C6orf52: variants seen among roughly 807,000 people sequenced by gnomAD.
The protein encoded by C6orf52 is chromosome 6 open reading frame 52.
In C6orf52, 16 loss-of-function variants were observed where a neutral mutation model predicts 16.6. That is an observed-to-expected ratio of 0.96 (90% CI 0.65 to 1.46). The LOEUF is 1.46. Among genes scored for constraint, C6orf52 ranks in the 40% most tolerant of loss-of-function variants. The pLI is 0.00. For synonymous variants in C6orf52, 53 were observed against 61.4 expected, an observed-to-expected ratio of 0.86 and a Z score of 0.64; for missense variants, 166 against 182.3, an observed-to-expected ratio of 0.91 and a Z score of 0.52.
At chr6:10,672,150 C>T (rs1029167477) in intron 4 of C6orf52, among the ~76,000 whole-genome samples, 2 of 152,222 alleles carry the variant, frequency 1.3e-5, no homozygotes, top group African/African-American at 4.8e-5. Flanking sequence ...ACGTATTAAA[C>T]GTGGATTTTC....
At chr6:10,694,314 C>G (rs936166646) in intron 1 of C6orf52, among the ~76,000 whole-genome samples, 180 bp downstream of exon 1, 1 of 151,376 alleles carries the variant, frequency 6.6e-6, no homozygotes, top group Non-Finnish European at 1.5e-5. Context: ...GGAGGTGCCG[C>G]AACCTTGGCC....
Position 10,694,592 on chromosome 6 carries a change from GCCCCTAAGCA to G in C6orf52, c.-120_-111del. 1 of 180,834 alleles carries G rather than the reference GCCCCTAAGCA, an allele frequency of 5.5e-6. No individual in the cohort carries two copies. The highest frequency in any genetic ancestry group is 5.8e-5 in the Admixed American group (1 of 17,120). The allele number at this position is 180,834 out of a possible 1,614,324, so 11.2% of individuals were successfully genotyped here. A position where few individuals can be genotyped will look rare whatever the true frequency, so the allele number is the denominator to read the frequency against. Reference sequence around the variant, plus strand: ...AACAATGCACGCTGCCGGCGCTACAGCCCCTAAGCAACCGGCCGGAAGTCGGCCCCACCTC... The same window carrying G: ...AACAATGCACGCTGCCGGCGCTACAGACCGGCCGGAAGTCGGCCCCACCTC... On this transcript the variant is annotated 5_prime_UTR_variant, in exon 1 of 5. Coordinates refer to ENST00000259983, the MANE Select transcript of C6orf52 (RefSeq NM_001145020.3).
intron 4 of C6orf52, chr6:10,674,639 CTTTTTTT>C (rs78122068): frequency 4.7e-5 from 6 of 126,340 alleles, no homozygotes; most frequent in Admixed American, 2.4e-4. Context: ...TTCTTTCTTT[CTTTTTTT>C]TTTTTTTTTT....
intron 3 of C6orf52, among the ~76,000 whole-genome samples, chr6:10,684,572 G>T (rs1471842201): frequency 6.6e-6 from 1 of 152,216 alleles, no homozygotes; most frequent in East Asian, 1.9e-4. Flanking sequence ...TTTATAAAAG[G>T]CTTTCCTCAG....
chr6:10,686,858 T>C (rs748537878), intron 3 of C6orf52, 108 bp downstream of exon 3: 44 of 803,200 alleles, frequency 5.5e-5, no homozygotes, highest in Non-Finnish European at 8.0e-5. Context: ...GCAAAAGCCA[T>C]GTCTGTGGGA....
chr6:10,685,005 G>C, intron 3 of C6orf52: 1 of 730,334 alleles, frequency 1.4e-6, no homozygotes, highest in Non-Finnish European at 1.8e-6. Context: ...CTGAGGGTGA[G>C]ATAAAAATCC....
At chr6:10,689,521 T>C (rs1012871293) in intron 1 of C6orf52, among the ~76,000 whole-genome samples, 4 of 152,252 alleles carry the variant, frequency 2.6e-5, no homozygotes, top group Admixed American at 6.5e-5. Flanking sequence ...GGGCTAGCAA[T>C]AGGCCCAAGC....
chr6:10,681,327 T>C (rs1768372961), intron 4 of C6orf52, among the ~76,000 whole-genome samples: 1 of 152,226 alleles, frequency 6.6e-6, no homozygotes, highest in African/African-American at 2.4e-5. Context: ...TTTCATCTGA[T>C]TTTGAGTTTC....
intron 3 of C6orf52, chr6:10,684,844 C>G: frequency 7.8e-7 from 1 of 1,289,062 alleles, no homozygotes; most frequent in South Asian, 1.2e-5. Flanking sequence ...ACCACAGAGG[C>G]TTACCATCTT....
chr6:10,680,485 T>C (rs1185748458), intron 4 of C6orf52, among the ~76,000 whole-genome samples: 1 of 152,206 alleles, frequency 6.6e-6, no homozygotes, highest in Non-Finnish European at 1.5e-5. Context: ...TTTTTTCTTG[T>C]TGTGTCCTTT....
intron 1 of C6orf52, among the ~76,000 whole-genome samples, chr6:10,691,996 AC>A (rs1488852636): frequency 6.6e-6 from 1 of 152,168 alleles, no homozygotes; most frequent in African/African-American, 2.4e-5. Context: ...CTAAATAATC[AC>A]CTTTTTATGG....
At chr6:10,693,930 T>C (rs2127475846) in intron 1 of C6orf52, among the ~76,000 whole-genome samples, 1 of 152,248 alleles carries the variant, frequency 6.6e-6, no homozygotes, top group East Asian at 1.9e-4. Context: ...CATCAAAATA[T>C]GTTGCTCAGG....
chr6:10,684,782 A>T, intron 3 of C6orf52: 1 of 936,120 alleles, frequency 1.1e-6, no homozygotes, highest in Non-Finnish European at 1.5e-6. Flanking sequence ...CTTGGCAAGG[A>T]CACACGTTAT....
intron 1 of C6orf52, among the ~76,000 whole-genome samples, chr6:10,688,615 G>A (rs1017976510): frequency 1.3e-5 from 2 of 152,000 alleles, no homozygotes; most frequent in African/African-American, 4.8e-5. Context: ...CAAAATCCTT[G>A]GATGCCCAAG....
intron 4 of C6orf52, among the ~76,000 whole-genome samples, chr6:10,678,530 G>C (rs1768089081): frequency 6.6e-6 from 1 of 152,194 alleles, no homozygotes; most frequent in African/African-American, 2.4e-5. Context: ...AGAGTCTGTA[G>C]GGTTTTCTCT....
At chr6:10,673,608 G>A (rs572000339) in intron 4 of C6orf52, among the ~76,000 whole-genome samples, 5 of 152,326 alleles carry the variant, frequency 3.3e-5, no homozygotes, top group East Asian at 1.9e-4. Flanking sequence ...AAGAGTTCTG[G>A]AGATGAATGG....
chr6:10,672,540 C>T, intron 4 of C6orf52: 3 of 698,482 alleles, frequency 4.3e-6, no homozygotes, highest in Non-Finnish European at 7.8e-6. Context: ...GACACAGCAA[C>T]TCATACCTGT....
At position 10,680,261 on chromosome 6, in the gene C6orf52, AAAG is replaced by A. The variant is rs1309262977; in HGVS notation, c.316+2923_316+2925del. On this transcript the variant is annotated intron_variant, in intron 4 of 4. Transcript: ENST00000259983. ...TGAGACCCTATCTCCAGGAAAAAAA[AAAG>A]AAAAATAATGTTTTTTGTCCTTCAT... 3.9e-5 allele frequency among the ~76,000 whole-genome samples: 6 copies of A among 152,272 alleles called. No homozygotes were observed. The South Asian group carries it at 1.0e-3, about 26-fold the overall frequency.
At chr6:10,686,838 A>T in intron 3 of C6orf52, 128 bp downstream of exon 3, 1 of 689,840 alleles carries the variant, frequency 1.4e-6, no homozygotes, top group Non-Finnish European at 2.4e-6. Flanking sequence ...CTCTAGTATT[A>T]AAACAGGTAG....
Sources: allele counts gnomAD v4.1 joint callset (sites outside exome capture counted in the v4.1 genomes callset), GRCh38; gene constraint gnomAD v4.1.1; transcripts MANE v1.5; gene names NCBI Gene and HGNC (gene_info 2026-07-23, HGNC 2026-07-21).